Variants in TRAK1 observed in about 807,000 individuals in gnomAD.
TRAK1 encodes trafficking kinesin protein 1, also known as trafficking kinesin-binding protein 1.
TRAK1 carries 33 observed loss-of-function variants against 92.1 expected under a neutral mutation model. The ratio of observed to expected loss-of-function variants is 0.36; its 90% CI spans 0.27 to 0.48. The LOEUF (loss-of-function observed/expected upper bound fraction) is 0.48, where lower values mean the gene tolerates loss of function less well. TRAK1 is among the 20% of genes least tolerant of loss of function. The probability of loss-of-function intolerance (pLI) is 0.99; values close to 1 mark genes in which losing one functional copy is unlikely to be tolerated. For missense variants in TRAK1, 1,123 were observed against 1,257.9 expected, an observed-to-expected ratio of 0.89 and a Z score of 1.62; for synonymous variants, 521 against 517.3, an observed-to-expected ratio of 1.01 and a Z score of -0.10.
chr3:42,057,536 G>A (rs1222567857), intron 1 of TRAK1, among the ~76,000 whole-genome samples: 8 of 152,128 alleles, frequency 5.3e-5, no homozygotes, highest in Non-Finnish European at 7.4e-5. Flanking sequence ...AATCACAGTG[G>A]CCCCATTCCC....
At chr3:42,077,442 C>T (rs1704211232) in intron 1 of TRAK1, among the ~76,000 whole-genome samples, 2 of 152,212 alleles carry the variant, frequency 1.3e-5, no homozygotes, top group Non-Finnish European at 2.9e-5. Context: ...ATGTGTGCCA[C>T]CATGCCCAGC....
chr3:42,067,957 A>G (rs1703752788), intron 1 of TRAK1, among the ~76,000 whole-genome samples: 1 of 152,026 alleles, frequency 6.6e-6, no homozygotes, highest in Admixed American at 6.6e-5. Context: ...AGATCATCTG[A>G]GGTCAGGAGT....
chr3:42,126,746 G>T (rs1167056732), intron 2 of TRAK1, among the ~76,000 whole-genome samples: 2 of 152,128 alleles, frequency 1.3e-5, no homozygotes, highest in African/African-American at 2.4e-5. Context: ...ACTAATACAG[G>T]CTGATCTCTC....
At chr3:42,104,109 G>A (rs1345600988) in intron 1 of TRAK1, among the ~76,000 whole-genome samples, 1 of 152,186 alleles carries the variant, frequency 6.6e-6, no homozygotes, top group East Asian at 1.9e-4. Flanking sequence ...AAGGCAGCAG[G>A]GAGGCTGGGA....
intron 14 of TRAK1, 54 bp downstream of exon 14, chr3:42,210,039 C>T (rs367825997): frequency 1.1e-5 from 18 of 1,614,068 alleles, no homozygotes; most frequent in African/African-American, 2.7e-5. Flanking sequence ...TTACCCGAGC[C>T]GGCCTCAGGC....
intron 11 of TRAK1, among the ~76,000 whole-genome samples, chr3:42,199,646 T>C (rs940997091): frequency 6.6e-6 from 1 of 152,156 alleles, no homozygotes; most frequent in Non-Finnish European, 1.5e-5. Context: ...TTTGTAGACA[T>C]AGGGCTTCAC....
intron 1 of TRAK1, among the ~76,000 whole-genome samples, chr3:42,040,747 C>T (rs1010541226): frequency 1.3e-4 from 19 of 151,132 alleles, no homozygotes; most frequent in Admixed American, 4.0e-4. Flanking sequence ...GCACGGATCT[C>T]GGCTCACTGC....
chr3:42,183,401 C>A (rs1704294002), intron 3 of TRAK1, among the ~76,000 whole-genome samples: 1 of 151,636 alleles, frequency 6.6e-6, no homozygotes, highest in African/African-American at 2.4e-5. Flanking sequence ...ACTAAAAATA[C>A]AAAAATTAGC....
In TRAK1 at chr3:42,184,666, T is replaced by G; in HGVS notation, c.364-19T>G. The G allele has an allele frequency of 6.2e-7, 1 of 1,611,236 alleles. No homozygotes were observed. The highest frequency in any genetic ancestry group is 8.5e-7 in the Non-Finnish European group (1 of 1,177,892). On this transcript the variant is annotated intron_variant, in intron 3 of 15. Transcript: ENST00000327628. ...ACACAGGTCTTTTGAATCTCTGTTCTCCCTCTTTCCTTTTGTAGAAAGAGC... is the reference window on the plus strand; with the variant it reads ...ACACAGGTCTTTTGAATCTCTGTTCGCCCTCTTTCCTTTTGTAGAAAGAGC...
intron 1 of TRAK1, among the ~76,000 whole-genome samples, chr3:42,061,438 G>T (rs1703440743): frequency 6.6e-6 from 1 of 151,290 alleles, no homozygotes; most frequent in Non-Finnish European, 1.5e-5. Context: ...ACACCTCCTG[G>T]ATACAGAGTG....
At chr3:42,056,168 A>G (rs1703197364) in intron 1 of TRAK1, among the ~76,000 whole-genome samples, 1 of 151,902 alleles carries the variant, frequency 6.6e-6, no homozygotes, top group African/African-American at 2.4e-5. Flanking sequence ...TTTATTGTGG[A>G]CATTTGTTTT....
intron 1 of TRAK1, among the ~76,000 whole-genome samples, chr3:42,079,514 T>C (rs987153575): frequency 4.7e-5 from 7 of 147,702 alleles, no homozygotes; most frequent in Non-Finnish European, 8.9e-5. Flanking sequence ...AGAGTCTTGC[T>C]GTCTTGCCCA....
intron 2 of TRAK1, among the ~76,000 whole-genome samples, chr3:42,144,660 A>G (rs768613314): frequency 1.3e-5 from 2 of 152,062 alleles, no homozygotes; most frequent in Non-Finnish European, 2.9e-5. Flanking sequence ...AAGCAAGCAA[A>G]TAAGGGATTT....
chr3:42,199,704 T>G (rs543495284), intron 11 of TRAK1, among the ~76,000 whole-genome samples: 26 of 152,334 alleles, frequency 1.7e-4, no homozygotes, highest in African/African-American at 5.5e-4. Flanking sequence ...GTGATCGTCC[T>G]GCCTTGGCCT....
chr3:42,216,597 G>T (rs1165698731), intron 14 of TRAK1, among the ~76,000 whole-genome samples: 2 of 152,172 alleles, frequency 1.3e-5, no homozygotes, highest in African/African-American at 4.8e-5. Flanking sequence ...ACATCTGCAC[G>T]ACAGCTACGG....
chr3:42,144,715 A>G (rs988142974), intron 2 of TRAK1, among the ~76,000 whole-genome samples: 1 of 152,218 alleles, frequency 6.6e-6, no homozygotes, highest in African/African-American at 2.4e-5. Context: ...ATTTATTCTT[A>G]TAATTTGAGA....
Position 42,223,752 on chromosome 3 carries a change from C to A in TRAK1, c.*15C>A. On this transcript the variant is annotated 3_prime_UTR_variant, in exon 16 of 16. Transcript: ENST00000327628. This position sits in a 1 kb window ranked among gnomAD's most constrained non-coding sequence, Gnocchi z 6.1. ...GCTTACGGTGAGGACTGGAGGGGGG[C>A]CGGTTGCCCTAGAGGAGACCCACGT... 6.3e-7 allele frequency: 1 copy of A among 1,589,180 alleles called. No individual in the cohort carries two copies.
At chr3:42,040,322 T>C (rs556643101) in intron 1 of TRAK1, among the ~76,000 whole-genome samples, 7 of 152,342 alleles carry the variant, frequency 4.6e-5, no homozygotes, top group Admixed American at 1.3e-4. Context: ...ATATAACTGC[T>C]CCTTGCAGAG....
intron 1 of TRAK1, among the ~76,000 whole-genome samples, chr3:42,118,655 C>G (rs1328634761): frequency 6.6e-6 from 1 of 152,208 alleles, no homozygotes; most frequent in Non-Finnish European, 1.5e-5. Flanking sequence ...GCCAAGCAGG[C>G]TCCAGCACAC....
Sources: gnomAD v4.1 joint callset for allele counts (sites outside exome capture counted in the v4.1 genomes callset) on GRCh38, gnomAD v4.1.1 for gene constraint, Gnocchi (gnomAD v3.1) non-coding constraint, MANE v1.5 for transcripts, NCBI Gene and HGNC (gene_info 2026-07-23, HGNC 2026-07-21) for gene names.